The following KLHL18 variants were observed in gnomAD, a reference collection of about 807,000 sequenced individuals.
KLHL18 encodes kelch-like protein 18.
KLHL18 carries 38 observed loss-of-function variants against 58.5 expected under a neutral mutation model. The ratio of observed to expected loss-of-function variants is 0.65; its 90% CI spans 0.50 to 0.85. KLHL18 has a LOEUF of 0.85. Ranked by LOEUF, KLHL18 falls within the 40% of genes least tolerant of loss-of-function variation. KLHL18 has a pLI of 0.00. For missense variants in KLHL18, 624 were observed against 778.4 expected (o/e 0.80, Z 2.36); for synonymous variants, 303 against 301.9 (o/e 1.00, Z -0.04).
At chr3:47,312,232 G>A (rs550736790) in intron 1 of KLHL18, among the ~76,000 whole-genome samples, 15 of 152,244 alleles carry the variant, frequency 9.9e-5, no homozygotes, top group African/African-American at 2.2e-4. Context: ...GTATTCATGG[G>A]TATAGCTATT....
intron 1 of KLHL18, among the ~76,000 whole-genome samples, chr3:47,308,714 T>G (rs1395131451): frequency 6.6e-6 from 1 of 151,806 alleles, no homozygotes; most frequent in African/African-American, 2.4e-5. Context: ...TCAACCCTTA[T>G]CTCCCTCCTT....
chr3:47,315,642 G>A (rs1235726163), intron 1 of KLHL18, among the ~76,000 whole-genome samples: 1 of 152,150 alleles, frequency 6.6e-6, no homozygotes, highest in Admixed American at 6.5e-5. Context: ...GCCGATTCTT[G>A]CCTGATCACC....
In KLHL18 at chr3:47,343,765, G is replaced by C; in HGVS notation, c.1549G>C (p.Val517Leu). ...CCCCATGCACACGCGCAGGAGCCGG[G>C]TCTCCCTGGTGGCCAGCTGTGGGCG... ...IVPMHTRRSR[V>L]SLVASCGRLY... Residue 517 changes from valine to leucine, a missense_variant, in exon 10 of 10, where the codon GTC (valine) becomes CTC (leucine). Val to Leu is a conservative substitution (Grantham distance 32). Transcript: ENST00000232766. 6.2e-7 allele frequency: 1 copy of C among 1,614,244 alleles called. No homozygotes were observed. The highest frequency in any genetic ancestry group is 8.5e-7 in the Non-Finnish European group (1 of 1,180,052).
At chr3:47,314,062 T>G (rs1703368121) in intron 1 of KLHL18, among the ~76,000 whole-genome samples, 1 of 152,148 alleles carries the variant, frequency 6.6e-6, no homozygotes. Flanking sequence ...TTTCGAGACA[T>G]TCTCTTGCTC....
intron 1 of KLHL18, among the ~76,000 whole-genome samples, chr3:47,284,722 G>A (rs1169670667): frequency 6.6e-6 from 1 of 152,172 alleles, no homozygotes; most frequent in Non-Finnish European, 1.5e-5. Flanking sequence ...AGAGTAGGAT[G>A]GTTGAGTATG....
chr3:47,291,723 A>G (rs1258552729), intron 1 of KLHL18, among the ~76,000 whole-genome samples: 2 of 152,232 alleles, frequency 1.3e-5, no homozygotes, highest in Non-Finnish European at 2.9e-5. Context: ...GCTCTAGCAT[A>G]TACTTCTGTA....
chr3:47,288,357 G>A lies in KLHL18; in HGVS notation c.129+5263G>A, dbSNP rs550717236. On this transcript the variant is annotated intron_variant, in intron 1 of 9. Coordinates refer to ENST00000232766, the MANE Select transcript of KLHL18 (RefSeq NM_025010.5). ...CACAGGTTGAGTTAAGCAGCACTGG[G>A]ACTAGACTCTTCGTCTCCATATTCA... Among the ~76,000 whole-genome samples the A allele has an allele frequency of 4.6e-5, 7 of 152,260 alleles. No individual in the cohort carries two copies. The South Asian group carries it at 1.5e-3, about 32-fold the overall frequency.
rs369407654 is a variant in KLHL18 at position 47,310,586 on chromosome 3, A to G, written c.130-9067A>G. 3.2e-4 allele frequency among the ~76,000 whole-genome samples: 48 copies of G among 152,286 alleles called. No homozygotes were observed. The East Asian group carries it at 4.8e-3, about 15-fold the overall frequency. ...CCAGACTCTGTCATCCACTTTCTACATAGTCTCTGTTTAGATGCCTCCCAG... is the reference window on the plus strand; with the variant it reads ...CCAGACTCTGTCATCCACTTTCTACGTAGTCTCTGTTTAGATGCCTCCCAG... On this transcript the variant is annotated intron_variant, in intron 1 of 9. Transcript: ENST00000232766.
chr3:47,336,483 T>C (rs1703987259), intron 6 of KLHL18, 52 bp from the exon 7 acceptor site: 1 of 1,493,136 alleles, frequency 6.7e-7, no homozygotes, highest in Non-Finnish European at 9.3e-7. Context: ...ATAGCTGTGC[T>C]CTAAACAAGT....
intron 6 of KLHL18, among the ~76,000 whole-genome samples, chr3:47,335,794 C>T (rs1703971028): frequency 6.6e-6 from 1 of 152,146 alleles, no homozygotes; most frequent in African/African-American, 2.4e-5. Flanking sequence ...AGGTGTGAGC[C>T]ACCGCACCTG....
intron 7 of KLHL18, 41 bp downstream of exon 7, chr3:47,336,798 G>A (rs1377271037): frequency 6.7e-7 from 1 of 1,501,050 alleles, no homozygotes; most frequent in Non-Finnish European, 9.3e-7. Flanking sequence ...TACACACTGA[G>A]CACCTGGGGA....
At chr3:47,340,718 CAGAG>C (rs753320751) in intron 8 of KLHL18, 42 bp downstream of exon 8, 5 of 1,610,080 alleles carry the variant, frequency 3.1e-6, no homozygotes, top group Middle Eastern at 1.7e-4. Flanking sequence ...AGCTTATAAA[CAGAG>C]AGTATAAAAA....
At chr3:47,329,901 G>C in intron 3 of KLHL18, 50 bp from the exon 4 acceptor site, 1 of 1,517,176 alleles carries the variant, frequency 6.6e-7, no homozygotes, top group Admixed American at 1.7e-5. Context: ...AATGATCAAA[G>C]ATAACATCCT....
chr3:47,288,154 G>A (rs1702716084), intron 1 of KLHL18, among the ~76,000 whole-genome samples: 1 of 149,406 alleles, frequency 6.7e-6, no homozygotes, highest in Non-Finnish European at 1.5e-5. Flanking sequence ...CTGGGAGGCG[G>A]AGGTTGCAGT....
intron 1 of KLHL18, among the ~76,000 whole-genome samples, chr3:47,285,031 C>T (rs1035545781): frequency 2.0e-5 from 3 of 151,930 alleles, no homozygotes; most frequent in African/African-American, 7.3e-5. Flanking sequence ...CTACGTTAGC[C>T]AGACTGCTCC....
chr3:47,287,781 G>A (rs1284280794), intron 1 of KLHL18, among the ~76,000 whole-genome samples: 3 of 151,996 alleles, frequency 2.0e-5, no homozygotes, highest in Non-Finnish European at 4.4e-5. Flanking sequence ...CACCACGCCC[G>A]GCCAGTAGTA....
chr3:47,318,884 G>A (rs1029224095), intron 1 of KLHL18, among the ~76,000 whole-genome samples: 2 of 152,302 alleles, frequency 1.3e-5, no homozygotes, highest in East Asian at 3.9e-4. Flanking sequence ...ATCAGATAGT[G>A]AGATTCCCTG....
At chr3:47,308,157 G>A (rs1197862370) in intron 1 of KLHL18, among the ~76,000 whole-genome samples, 2 of 150,866 alleles carry the variant, frequency 1.3e-5, no homozygotes, top group Admixed American at 6.6e-5. Flanking sequence ...TTAAAGCTTA[G>A]TCTTAACCCC....
chr3:47,332,016 A>G (rs1484245458), intron 4 of KLHL18, among the ~76,000 whole-genome samples: 3 of 152,026 alleles, frequency 2.0e-5, no homozygotes, highest in Non-Finnish European at 2.9e-5. Context: ...CTGATTTTCT[A>G]TTTTCTCACC....
Sources: gnomAD v4.1 joint callset for allele counts (sites outside exome capture counted in the v4.1 genomes callset) on GRCh38, gnomAD v4.1.1 for gene constraint, MANE v1.5 for transcripts, NCBI Gene and HGNC (gene_info 2026-07-23, HGNC 2026-07-21) for gene names.